The following CAMK2G variants were observed in gnomAD, a reference collection of about 807,000 sequenced individuals.
CAMK2G encodes calcium/calmodulin dependent protein kinase II gamma.
In CAMK2G, 23 loss-of-function variants were observed where a neutral mutation model predicts 88.7. The ratio of observed to expected loss-of-function variants is 0.26; its 90% CI spans 0.19 to 0.37. CAMK2G has a LOEUF of 0.37. Ranked by LOEUF, CAMK2G falls within the 10% of genes least tolerant of loss-of-function variation. The pLI is 1.00. For missense variants in CAMK2G, 476 were observed against 780.8 expected (o/e 0.61, Z 4.65); for synonymous variants, 263 against 294.8 (o/e 0.89, Z 1.11).
chr10:73,835,386 C>T (rs949801262), intron 14 of CAMK2G, among the ~76,000 whole-genome samples: 2 of 151,908 alleles, frequency 1.3e-5, no homozygotes, highest in East Asian at 3.9e-4. Context: ...GGCTCAAACT[C>T]CCTGGGCTTA....
chr10:73,852,826 G>C (rs993411214), intron 4 of CAMK2G: 3 of 275,360 alleles, frequency 1.1e-5, no homozygotes, highest in Non-Finnish European at 2.1e-5. Flanking sequence ...ATGGAGCCTG[G>C]TTTCCGACTA....
intron 5 of CAMK2G, among the ~76,000 whole-genome samples, chr10:73,850,803 G>C (rs2094559136): frequency 6.6e-6 from 1 of 152,174 alleles, no homozygotes; most frequent in African/African-American, 2.4e-5. Flanking sequence ...CTCCCCATAG[G>C]ACACAGCCCA....
chr10:73,836,816 T>C (rs372954449), intron 14 of CAMK2G, among the ~76,000 whole-genome samples: 3 of 152,178 alleles, frequency 2.0e-5, no homozygotes, highest in East Asian at 1.9e-4. Context: ...CTCCTCTACC[T>C]TGGCCAAGCA....
At chr10:73,824,154 C>A in intron 16 of CAMK2G, 70 bp from the exon 17 acceptor site, 1 of 1,191,326 alleles carries the variant, frequency 8.4e-7, no homozygotes, top group African/African-American at 1.5e-5. Flanking sequence ...AGGAGCCCCA[C>A]CTGCACCCCA....
At chr10:73,820,066 C>T (rs369978150) in intron 18 of CAMK2G, among the ~76,000 whole-genome samples, 2 of 152,308 alleles carry the variant, frequency 1.3e-5, no homozygotes, top group East Asian at 1.9e-4. Context: ...TTCACTTCCT[C>T]GCAGCTTTCT....
chr10:73,823,934 T>G, intron 17 of CAMK2G, 106 bp downstream of exon 17: 2 of 855,292 alleles, frequency 2.3e-6, no homozygotes, highest in Non-Finnish European at 4.0e-6. Flanking sequence ...CAGCTGAGCC[T>G]CTGCAAACAC....
chr10:73,815,369 G>GCCCCCCCCCCCCCCC (rs57601302), intron 21 of CAMK2G, 122 bp from the exon 22 acceptor site: 2 of 619,420 alleles, frequency 3.2e-6, no homozygotes, highest in African/African-American at 2.1e-5. Context: ...TCCAAGTACC[G>GCCCCCCCCCCCCCCC]CCCCCCCCCA....
rs1590417586 is a variant in CAMK2G at position 73,839,291 on chromosome 10, G to A, written c.1009+248C>T. On this transcript the variant is annotated intron_variant, in intron 13 of 22. Transcript: ENST00000423381. The surrounding 1 kb of genome is among the most constrained non-coding windows in gnomAD (Gnocchi z 4.2). ...TCGGGCTCTTGGCAAGGCTCCCGCT[G>A]CCCAGCTCCATGCCCCCAGGCTACT... is the stretch of plus-strand genomic sequence containing the variant. Among the ~76,000 whole-genome samples, 2 of 152,352 alleles carry A rather than the reference G, an allele frequency of 1.3e-5. No individual in the cohort carries two copies. The highest frequency in any genetic ancestry group is 4.8e-5 in the African/African-American group (2 of 41,582).
chr10:73,836,136 T>C (rs1013223860), intron 14 of CAMK2G, among the ~76,000 whole-genome samples: 8 of 152,166 alleles, frequency 5.3e-5, no homozygotes, highest in Non-Finnish European at 8.8e-5. Context: ...GCCTGACCCA[T>C]ATTTTCAATT....
At chr10:73,840,444 GA>G (rs1216370474) in intron 12 of CAMK2G, among the ~76,000 whole-genome samples, 1 of 152,180 alleles carries the variant, frequency 6.6e-6, no homozygotes, top group African/African-American at 2.4e-5. Context: ...TCTTTCTGCA[GA>G]AGCTTCCGGA....
chr10:73,834,648 C>T (rs1174999900), intron 14 of CAMK2G, among the ~76,000 whole-genome samples: 1 of 152,220 alleles, frequency 6.6e-6, no homozygotes, highest in African/African-American at 2.4e-5. Context: ...TTACCAGACT[C>T]TTAAACCTTC....
chr10:73,873,957 C>G (rs1178891836), intron 1 of CAMK2G, among the ~76,000 whole-genome samples: 1 of 147,314 alleles, frequency 6.8e-6, no homozygotes, highest in Admixed American at 6.7e-5. Flanking sequence ...CGGGGCCGGG[C>G]GCCAAACAGC....
chr10:73,853,421 C>T (rs1223754679), intron 3 of CAMK2G, among the ~76,000 whole-genome samples, 175 bp from the exon 4 acceptor site: 2 of 152,190 alleles, frequency 1.3e-5, no homozygotes, highest in African/African-American at 4.8e-5. Context: ...GCTATGCAGC[C>T]TGGGAGCCAG....
At position 73,872,971 on chromosome 10, in the gene CAMK2G, A is replaced by G; in HGVS notation, c.160+18T>C. The G allele has an allele frequency of 6.5e-7, 1 of 1,545,714 alleles. No individual in the cohort carries two copies. ...CTGGAGGCACCCTCAGGAAGAGGTCAAGACAGGGAACACTCACCCCGGGCA... is the reference window on the plus strand; with the variant it reads ...CTGGAGGCACCCTCAGGAAGAGGTCGAGACAGGGAACACTCACCCCGGGCA... On this transcript the variant is annotated intron_variant, in intron 2 of 22. Coordinates refer to ENST00000423381, the MANE Select transcript of CAMK2G (RefSeq NM_001367534.1).
At chr10:73,844,369 G>A (rs913072284) in intron 10 of CAMK2G, among the ~76,000 whole-genome samples, 1 of 151,822 alleles carries the variant, frequency 6.6e-6, no homozygotes, top group Non-Finnish European at 1.5e-5. Flanking sequence ...GGGACTACAG[G>A]TGTGAGCCAC....
Position 73,819,555 on chromosome 10 carries a change from T to G in CAMK2G, c.1340A>C (p.Gln447Pro), listed in dbSNP as rs1314760673. The change falls in exon 19 of 23, where the codon CAG becomes CCG. Residue 447 changes from glutamine to proline, a missense_variant. Around this residue, in one of 3 missense-constraint regions of CAMK2G, gnomAD observed 278 missense variants for 366.5 expected, o/e 0.76. Coordinates refer to ENST00000423381, the MANE Select transcript of CAMK2G (RefSeq NM_001367534.1). ...ACTGGCTGAGGAGCAGAGAGAAGGC[T>G]GGGGCTGCATGCCTGCAGAGGGGGC... ...RTAPSAGMQP[Q>P]PSLCSSAMRK... is the part of the protein sequence containing the mutation. 6.5e-7 allele frequency: 1 copy of G among 1,549,380 alleles called. No individual in the cohort carries two copies. Among genetic ancestry groups the G allele is most frequent in the South Asian group, 1.2e-5 (1 of 84,000 alleles).
In CAMK2G at chr10:73,821,684, T is replaced by C. The variant is rs139256535; in HGVS notation, c.1247A>G (p.Lys416Arg). The C allele has an allele frequency of 1.9e-6, 3 of 1,610,532 alleles. No individual in the cohort carries two copies. In the African/African-American group the frequency reaches 4.0e-5, roughly 21 times the overall value. Residue 416 changes from lysine (K) to arginine (R), a missense_variant and splice_region_variant, in exon 18 of 23, where the codon AAA (lysine) becomes AGA (arginine). By Grantham distance (26) the Lys-to-Arg change is conservative. Coordinates refer to ENST00000423381, the MANE Select transcript of CAMK2G (RefSeq NM_001367534.1). ...CCCCTCCAAGGGCCAGCACCTACCT[T>C]TGAGGTCCTCATCTTCTGTGGTGGT... ...CNTTTEDEDLKAAPLRTGNGS... is the reference protein window; with the variant it reads ...CNTTTEDEDLRAAPLRTGNGS...
intron 14 of CAMK2G, among the ~76,000 whole-genome samples, chr10:73,828,766 G>A (rs1444423440): frequency 6.6e-6 from 1 of 152,134 alleles, no homozygotes; most frequent in Non-Finnish European, 1.5e-5. Context: ...AGAAACACAG[G>A]AGTGCCAGTG....
At chr10:73,826,819 G>A (rs755152618) in intron 15 of CAMK2G, among the ~76,000 whole-genome samples, 26 of 152,146 alleles carry the variant, frequency 1.7e-4, no homozygotes, top group Non-Finnish European at 3.5e-4. Context: ...ACCTGAAGCC[G>A]TCCACCGCCA....
Sources: gnomAD v4.1 joint callset for allele counts (sites outside exome capture counted in the v4.1 genomes callset) on GRCh38, gnomAD v4.1.1 for gene constraint, gnomAD v4.1.1 regional missense constraint, Gnocchi (gnomAD v3.1) non-coding constraint, MANE v1.5 for transcripts, NCBI Gene and HGNC (gene_info 2026-07-23, HGNC 2026-07-21) for gene names.